The following ZC3H12B variants were observed in gnomAD, a reference collection of about 807,000 sequenced individuals.
The protein encoded by ZC3H12B is probable ribonuclease ZC3H12B.
Under a neutral mutation model 43.9 loss-of-function variants are expected in ZC3H12B, and 7 were observed. The ratio of observed to expected loss-of-function variants is 0.16; its 90% CI spans 0.09 to 0.30. The LOEUF (loss-of-function observed/expected upper bound fraction) is 0.30. Ranked by LOEUF, ZC3H12B falls within the 10% of genes least tolerant of loss-of-function variation. ZC3H12B has a pLI of 1.00. For missense variants in ZC3H12B, 475 were observed against 670.2 expected, an observed-to-expected ratio of 0.71 and a Z score of 3.22; for synonymous variants, 222 against 241.7, an observed-to-expected ratio of 0.92 and a Z score of 0.76.
intron 2 of ZC3H12B, among the ~76,000 whole-genome samples, chrX:65,370,625 C>G (rs982609744): frequency 1.8e-5 from 2 of 111,748 alleles, no homozygotes; most frequent in African/African-American, 6.5e-5. Context: ...TGACCTTCAG[C>G]CTTGGGTCAC....
intron 3 of ZC3H12B, among the ~76,000 whole-genome samples, chrX:65,423,267 G>A (rs1310610443): frequency 1.8e-5 from 2 of 111,804 alleles, no homozygotes; most frequent in Non-Finnish European, 3.8e-5. Context: ...TCACTGATGG[G>A]CATTTGGGTT....
chrX:65,209,777 A>G, the ZC3H12B span, among the ~76,000 whole-genome samples: 1 of 104,813 alleles, frequency 9.5e-6, no homozygotes, highest in Non-Finnish European at 1.9e-5. Context: ...ATCTACAACT[A>G]TCTGATCTTT....
At chrX:65,119,680 G>T in the ZC3H12B span, among the ~76,000 whole-genome samples, 1 of 111,539 alleles carries the variant, frequency 9.0e-6, no homozygotes, top group African/African-American at 3.3e-5. Flanking sequence ...TTTGGCTTCT[G>T]TTGCCATTGC....
At chrX:65,152,714 C>T in the ZC3H12B span, among the ~76,000 whole-genome samples, 3 of 111,128 alleles carry the variant, frequency 2.7e-5, 1 homozygote, top group Admixed American at 2.9e-4. Flanking sequence ...ACTTTCTTCA[C>T]AGAATTGGAA....
chrX:65,282,307 A>T, the ZC3H12B span, among the ~76,000 whole-genome samples: 1 of 111,266 alleles, frequency 9.0e-6, no homozygotes, highest in Admixed American at 9.6e-5. Context: ...ACCAACAAAA[A>T]AAAGAAAACC....
chrX:65,452,162 G>C (rs936963840), intron 3 of ZC3H12B, among the ~76,000 whole-genome samples: 1 of 111,240 alleles, frequency 9.0e-6, no homozygotes, highest in African/African-American at 3.3e-5. Flanking sequence ...ATTCAATATA[G>C]TACTGGAAGT....
chrX:65,449,503 C>G (rs1206259533), intron 3 of ZC3H12B, among the ~76,000 whole-genome samples: 1 of 110,184 alleles, frequency 9.1e-6, no homozygotes, highest in East Asian at 2.8e-4. Flanking sequence ...CCTGTAGTCC[C>G]AGCTACTCAG....
At chrX:65,060,586 G>C in the ZC3H12B span, among the ~76,000 whole-genome samples, 1 of 111,729 alleles carries the variant, frequency 9.0e-6, no homozygotes, top group African/African-American at 3.2e-5. Flanking sequence ...CTAATGTATT[G>C]TTGATTTCAG....
the ZC3H12B span, among the ~76,000 whole-genome samples, chrX:65,295,151 G>T: frequency 9.0e-6 from 1 of 111,147 alleles, no homozygotes; most frequent in East Asian, 2.8e-4. Flanking sequence ...ATGATATTAA[G>T]TATTGTCAGA....
the ZC3H12B span, among the ~76,000 whole-genome samples, chrX:65,163,563 A>G: frequency 3.6e-5 from 4 of 110,930 alleles, no homozygotes; most frequent in Admixed American, 3.8e-4. Context: ...TGGGCGTAGG[A>G]CCCTCTGAGC....
chrX:65,271,521 C>G, the ZC3H12B span: 1 of 112,364 alleles, frequency 8.9e-6, no homozygotes, highest in Non-Finnish European at 1.9e-5. Flanking sequence ...CTGACTTTGG[C>G]AGCTGAAAGT....
the ZC3H12B span, among the ~76,000 whole-genome samples, chrX:65,156,005 T>C: frequency 6.6e-4 from 74 of 111,741 alleles, 2 homozygotes; most frequent in Admixed American, 6.8e-3. Flanking sequence ...TAGATCATTT[T>C]AAAAATTATT....
chrX:65,161,721 G>T, the ZC3H12B span, among the ~76,000 whole-genome samples: 35 of 111,795 alleles, frequency 3.1e-4, no homozygotes, highest in African/African-American at 9.1e-4. Flanking sequence ...TATCCAATTT[G>T]CCAGTCAGTG....
At chrX:65,469,379 T>G (rs866507645) in intron 3 of ZC3H12B, 4 of 431,120 alleles carry the variant, frequency 9.3e-6, no homozygotes, top group African/African-American at 2.4e-5. Context: ...TTTTGCTGAG[T>G]GAGATCTTTG....
At chrX:65,396,042 A>T (rs1181662660) in intron 2 of ZC3H12B, among the ~76,000 whole-genome samples, 1 of 111,132 alleles carries the variant, frequency 9.0e-6, no homozygotes, top group Non-Finnish European at 1.9e-5. Flanking sequence ...TATCCCCTTT[A>T]TCATTTTTAT....
At chrX:65,198,087 A>C in the ZC3H12B span, among the ~76,000 whole-genome samples, 1 of 111,864 alleles carries the variant, frequency 8.9e-6, no homozygotes, top group Non-Finnish European at 1.9e-5. Context: ...TTATGACATC[A>C]CTGCTAGACC....
At chrX:65,138,650 C>T in the ZC3H12B span, among the ~76,000 whole-genome samples, 170 of 111,635 alleles carry the variant, frequency 1.5e-3, no homozygotes, top group African/African-American at 5.3e-3. Context: ...TTTAATTTTT[C>T]GAAGAACCTC....
At chrX:65,078,177 T>G in the ZC3H12B span, among the ~76,000 whole-genome samples, 1 of 112,056 alleles carries the variant, frequency 8.9e-6, no homozygotes, top group Non-Finnish European at 1.9e-5. Context: ...GGACTAGGGC[T>G]GGGAATTAAT....
In ZC3H12B at chrX:65,406,677, G is replaced by C. The variant is rs774546716; in HGVS notation, n.407+7973G>C. Among the ~76,000 whole-genome samples the C allele has an allele frequency of 5.8e-3, 636 of 109,589 alleles. 8 individuals carry two copies. Among genetic ancestry groups the C allele is most frequent in the African/African-American group, 0.02 (598 of 29,974 alleles). On this transcript the variant is annotated intron_variant and non_coding_transcript_variant, in intron 3 of 5. Transcript: ENST00000617377. ...TTAGCTCCTGAGTGTGAAACCGCGT[G>C]TTAGTGTAACCCACGCCAGAGGCGC...
Sources: allele counts gnomAD v4.1 joint callset (sites outside exome capture counted in the v4.1 genomes callset), GRCh38; gene constraint gnomAD v4.1.1; transcripts MANE v1.5; gene names NCBI Gene and HGNC (gene_info 2026-07-23, HGNC 2026-07-21).